Variants in COG7 observed in about 807,000 individuals in gnomAD.
The protein encoded by COG7 is component of oligomeric golgi complex 7, also known as conserved oligomeric Golgi complex subunit 7.
A neutral mutation model predicts 91.5 loss-of-function variants in COG7; 49 were observed. That is an observed-to-expected ratio of 0.54 (90% CI 0.43 to 0.68). COG7 has a LOEUF of 0.68. Among genes scored for constraint, COG7 ranks in the 30% least tolerant of loss-of-function variants. COG7 has a pLI of 0.00. For missense variants in COG7, 895 were observed against 961.3 expected, an observed-to-expected ratio of 0.93 and a Z score of 0.91; for synonymous variants, 365 against 388.7, an observed-to-expected ratio of 0.94 and a Z score of 0.72.
intron 6 of COG7, among the ~76,000 whole-genome samples, chr16:23,429,558 G>T (rs1355791081): frequency 1.3e-5 from 2 of 152,050 alleles, no homozygotes; most frequent in African/African-American, 2.4e-5. Context: ...GAGGTCAGGA[G>T]TTCGAGACCA....
intron 14 of COG7, among the ~76,000 whole-genome samples, chr16:23,395,555 C>T (rs2142060424): frequency 1.3e-5 from 2 of 152,318 alleles, no homozygotes; most frequent in East Asian, 3.9e-4. Context: ...AGGGCTTTCA[C>T]CAACAAGGCA....
chr16:23,418,619 C>T (rs991742049), intron 8 of COG7, 81 bp downstream of exon 8: 3 of 1,379,268 alleles, frequency 2.2e-6, no homozygotes, highest in Admixed American at 1.7e-5. Context: ...CGGATCCCAA[C>T]CCCCAGCCCT....
chr16:23,432,947 T>C (rs250555), intron 6 of COG7, among the ~76,000 whole-genome samples: 25,122 of 152,114 alleles, frequency 0.17, 2,244 homozygotes, highest in East Asian at 0.29. Flanking sequence ...ACAGGCTCCC[T>C]TGCTGGACAA....
At chr16:23,448,731 G>A (rs1596960746) in intron 1 of COG7, among the ~76,000 whole-genome samples, 1 of 152,116 alleles carries the variant, frequency 6.6e-6, no homozygotes, top group Non-Finnish European at 1.5e-5. Flanking sequence ...GAAATATAAT[G>A]GTTAAGGGCC....
At chr16:23,416,689 C>CTTTTT in intron 9 of COG7, 9 of 478,620 alleles carry the variant, frequency 1.9e-5, no homozygotes, top group Non-Finnish European at 2.3e-5. Flanking sequence ...TCTAAGGTTT[C>CTTTTT]TTTTTTTTTC....
chr16:23,429,477 A>G, intron 6 of COG7, among the ~76,000 whole-genome samples: 1 of 152,130 alleles, frequency 6.6e-6, no homozygotes, highest in East Asian at 1.9e-4. Context: ...AAGAAGTGTC[A>G]ACAGGCTGGG....
intron 13 of COG7, among the ~76,000 whole-genome samples, chr16:23,400,124 G>C (rs1022804709): frequency 2.0e-5 from 3 of 152,120 alleles, no homozygotes; most frequent in African/African-American, 7.2e-5. Flanking sequence ...CCCTACTTCT[G>C]TGTATGCGTG....
At chr16:23,419,163 T>C (rs1963708468) in intron 7 of COG7, among the ~76,000 whole-genome samples, 1 of 152,052 alleles carries the variant, frequency 6.6e-6, no homozygotes. Flanking sequence ...CCCAACACTT[T>C]GGGAGGCCGA....
chr16:23,410,686 A>G (rs978647871), intron 10 of COG7, among the ~76,000 whole-genome samples: 5 of 152,088 alleles, frequency 3.3e-5, no homozygotes, highest in Non-Finnish European at 5.9e-5. Flanking sequence ...GAGATATTTT[A>G]TATCTAAAAT....
intron 7 of COG7, among the ~76,000 whole-genome samples, chr16:23,423,331 C>T (rs542768640): frequency 1.3e-5 from 2 of 152,346 alleles, no homozygotes; most frequent in African/African-American, 4.8e-5. Flanking sequence ...CACACCGCTG[C>T]ACTCCAGCCT....
At chr16:23,416,624 C>T (rs572295012) in intron 9 of COG7, 3 of 345,242 alleles carry the variant, frequency 8.7e-6, no homozygotes, top group Non-Finnish European at 1.7e-5. Context: ...TGATTCACCG[C>T]ACCAGGCCAA....
chr16:23,430,289 T>C (rs1157182439), intron 6 of COG7, among the ~76,000 whole-genome samples: 4 of 151,924 alleles, frequency 2.6e-5, no homozygotes, highest in African/African-American at 9.7e-5. Context: ...ATTAGTTGGG[T>C]GTGGTGGCAC....
At chr16:23,394,495 T>C (rs1963252617) in intron 14 of COG7, among the ~76,000 whole-genome samples, 1 of 152,216 alleles carries the variant, frequency 6.6e-6, no homozygotes, top group African/African-American at 2.4e-5. Context: ...TTAAAAGGTC[T>C]TTCTGCCTGT....
intron 16 of COG7, 63 bp from the exon 17 acceptor site, chr16:23,389,149 C>T: frequency 1.9e-6 from 3 of 1,578,942 alleles, no homozygotes; most frequent in Non-Finnish European, 2.6e-6. Flanking sequence ...GGTCAGAGCC[C>T]CACAGGGCCT....
Position 23,393,028 on chromosome 16 carries a change from C to T in COG7, c.2002+205G>A, listed in dbSNP as rs367712559. Among the ~76,000 whole-genome samples the T allele has an allele frequency of 6.6e-5, 10 of 152,222 alleles. No homozygotes were observed. The South Asian group carries it at 8.3e-4, about 13-fold the overall frequency. On this transcript the variant is annotated intron_variant, in intron 15 of 16. Coordinates refer to ENST00000307149, the MANE Select transcript of COG7 (RefSeq NM_153603.4). ...ACAAGCGAAAGTGGAAATACCAGTG[C>T]GTTCCGCAGTGGGATGTGGTTATAG...
In COG7 at chr16:23,442,134, G is replaced by C. The variant is rs1209708395; in HGVS notation, c.604+343C>G. Among the ~76,000 whole-genome samples, 5 of 152,024 alleles carry C rather than the reference G, an allele frequency of 3.3e-5. No individual in the cohort carries two copies. In the East Asian group the frequency reaches 9.6e-4, roughly 29 times the overall value. On this transcript the variant is annotated intron_variant, in intron 4 of 16. Coordinates refer to ENST00000307149, the MANE Select transcript of COG7 (RefSeq NM_153603.4). ...GGATCACCTGAGGTCAGGAGTTTGA[G>C]ACCAGCCCGGCCAACATGGTGAAAG... is the stretch of plus-strand genomic sequence containing the variant.
Position 23,388,618 on chromosome 16 carries a change from C to G in COG7, c.*302G>C, listed in dbSNP as rs1269137312. The stretch of plus-strand genomic sequence containing the variant: ...AACTCTTTTTGATTATACAAATGAA[C>G]CAAGTCTTTTTTTTTTTTTTTTTTG... On this transcript the variant is annotated 3_prime_UTR_variant, in exon 17 of 17. Coordinates refer to ENST00000307149, the MANE Select transcript of COG7 (RefSeq NM_153603.4). 1 of 238,546 alleles carries G rather than the reference C, an allele frequency of 4.2e-6. No homozygotes were observed. Among genetic ancestry groups the G allele is most frequent in the African/African-American group, 2.4e-5 (1 of 41,818 alleles). The allele number at this position is 238,546 out of a possible 1,614,324, so 14.8% of individuals were successfully genotyped here.
intron 8 of COG7, 48 bp downstream of exon 8, chr16:23,418,652 T>C (rs1963695821): frequency 1.9e-6 from 3 of 1,606,062 alleles, no homozygotes; most frequent in South Asian, 1.1e-5. Flanking sequence ...GCCAAGACCC[T>C]GGCTAACAGA....
chr16:23,400,869 C>T (rs1963363527), intron 13 of COG7, among the ~76,000 whole-genome samples: 1 of 151,172 alleles, frequency 6.6e-6, no homozygotes, highest in African/African-American at 2.4e-5. Context: ...ACTTGGGAGG[C>T]TGAGGCATGA....
Sources: gnomAD v4.1 joint callset for allele counts (sites outside exome capture counted in the v4.1 genomes callset) on GRCh38, gnomAD v4.1.1 for gene constraint, MANE v1.5 for transcripts, NCBI Gene and HGNC (gene_info 2026-07-23, HGNC 2026-07-21) for gene names.